The following IKBKG variants were observed in gnomAD, a reference collection of about 807,000 sequenced individuals.
IKBKG encodes inhibitor of nuclear factor kappa B kinase regulatory subunit gamma.
IKBKG carries 2 observed loss-of-function variants against 13.7 expected under a neutral mutation model. The observed-to-expected ratio is 0.15, with a 90% CI of 0.06 to 0.46. IKBKG has a LOEUF of 0.46. Ranked by LOEUF, IKBKG falls within the 20% of genes least tolerant of loss-of-function variation. The pLI, the probability that IKBKG is intolerant of heterozygous loss-of-function variation, is 0.98. For synonymous variants in IKBKG, 22 were observed against 64.4 expected, an observed-to-expected ratio of 0.34 and a Z score of 3.15; for missense variants, 53 against 150.3, an observed-to-expected ratio of 0.35 and a Z score of 3.39.
At chrX:154,549,576 G>A (rs1404307011) in intron 1 of IKBKG, among the ~76,000 whole-genome samples, 1 of 111,452 alleles carries the variant, frequency 9.0e-6, no homozygotes, top group Non-Finnish European at 1.9e-5. Context: ...CACCATGCCT[G>A]GCCACCACTA....
chrX:154,552,914 A>G (rs1317987827), intron 2 of IKBKG, among the ~76,000 whole-genome samples: 1 of 110,650 alleles, frequency 9.0e-6, no homozygotes, highest in Non-Finnish European at 1.9e-5. Context: ...AGCCCCTGCC[A>G]TTCTTCCCCC....
upstream of IKBKG, chrX:154,547,196 G>A (rs1243538911): frequency 2.6e-6 from 1 of 377,634 alleles, no homozygotes; most frequent in Non-Finnish European, 3.4e-6. Context: ...GGCCTCGCGC[G>A]CTCGCGGAGG....
At position 154,558,657 on chromosome X, in the gene IKBKG, CG is replaced by C; in HGVS notation, c.518+12del. 1 of 1,167,534 alleles carries C rather than the reference CG, an allele frequency of 8.6e-7. No individual in the cohort carries two copies. The highest frequency in any genetic ancestry group is 1.2e-6 in the Non-Finnish European group (1 of 861,865). ...GCCAGGCTCTGGAGGGTCGGTGAGT[CG>C]GGGGAGCCGGCTCCGGAGACCCCTT... On this transcript the variant is annotated splice_region_variant and intron_variant, in intron 4 of 9. Transcript: ENST00000594239.
chrX:154,546,588 T>C (rs1358630292), upstream of IKBKG, among the ~76,000 whole-genome samples: 2 of 110,134 alleles, frequency 1.8e-5, no homozygotes, highest in Admixed American at 1.9e-4. Flanking sequence ...CCAAGCTGGG[T>C]GACCCCGGTC....
intron 2 of IKBKG, among the ~76,000 whole-genome samples, chrX:154,555,623 A>G (rs2071040850): frequency 8.9e-6 from 1 of 112,543 alleles, no homozygotes; most frequent in African/African-American, 3.2e-5. Flanking sequence ...TCTGTCCCCC[A>G]GGCTGGAGTG....
intron 1 of IKBKG, among the ~76,000 whole-genome samples, chrX:154,548,824 C>T (rs1569556470): frequency 1.8e-5 from 2 of 111,240 alleles, no homozygotes; most frequent in Middle Eastern, 4.6e-3. Flanking sequence ...CCTCAGACTC[C>T]CAAAGTGCTG....
At chrX:154,548,333 G>A (rs1405573848) in intron 1 of IKBKG, among the ~76,000 whole-genome samples, 1 of 111,463 alleles carries the variant, frequency 9.0e-6, no homozygotes, top group African/African-American at 3.3e-5. Context: ...GAAGGCAACG[G>A]GGATCCATGG....
At chrX:154,546,827 C>G (rs1557233544), upstream of IKBKG, 1 of 1,158,632 alleles carries the variant, frequency 8.6e-7, no homozygotes, top group Non-Finnish European at 1.1e-6. Context: ...CTCGCAGCCC[C>G]GAAGTGTACG....
chrX:154,549,184 T>C (rs60589782), intron 1 of IKBKG, among the ~76,000 whole-genome samples: 2,173 of 109,734 alleles, frequency 0.02, 55 homozygotes, highest in African/African-American at 0.07. Flanking sequence ...GGTTTCATCA[T>C]GTTGGCCAGG....
chrX:154,545,927 G>C, upstream of IKBKG: 1 of 996,342 alleles, frequency 1.0e-6, no homozygotes, highest in Non-Finnish European at 1.4e-6. Flanking sequence ...GCGGGAGGAG[G>C]AGCTCAACTT....
chrX:154,546,665 G>C (rs1372840175), upstream of IKBKG: 4 of 581,340 alleles, frequency 6.9e-6, no homozygotes, highest in Non-Finnish European at 1.1e-5. Context: ...TAAAGGGATT[G>C]GTTAAGACCC....
At chrX:154,548,234 G>A in intron 1 of IKBKG, 2 of 413,691 alleles carry the variant, frequency 4.8e-6, no homozygotes, top group Non-Finnish European at 6.1e-6. Context: ...AGCAGAGTGA[G>A]GGAGGGGAGC....
At chrX:154,547,799 C>T (rs2070792832) in intron 1 of IKBKG, 54 bp downstream of exon 1, 8 of 754,091 alleles carry the variant, frequency 1.1e-5, no homozygotes, top group African/African-American at 2.3e-5. Context: ...TCCGCCGCCT[C>T]CGAAACTTCC....
chrX:154,544,225 G>A (rs928922855), upstream of IKBKG, among the ~76,000 whole-genome samples: 2 of 107,277 alleles, frequency 1.9e-5, no homozygotes, highest in African/African-American at 3.4e-5. Context: ...GCAGTGGCGC[G>A]ATCTCAGCTC....
intron 1 of IKBKG, among the ~76,000 whole-genome samples, chrX:154,549,250 G>A (rs1489240543): frequency 9.1e-6 from 1 of 109,686 alleles, no homozygotes; most frequent in Non-Finnish European, 1.9e-5. Flanking sequence ...CAAAGTGCTG[G>A]GATTACAGGC....
chrX:154,546,740 G>A (rs2070731602), upstream of IKBKG: 1 of 1,020,215 alleles, frequency 9.8e-7, no homozygotes, highest in Non-Finnish European at 1.3e-6. Context: ...GCGGCGCAGC[G>A]CGGGACAGTA....
upstream of IKBKG, chrX:154,546,852 C>A: frequency 8.9e-7 from 1 of 1,126,646 alleles, no homozygotes; most frequent in Non-Finnish European, 1.2e-6. Flanking sequence ...TTTCCGGGGG[C>A]TGAGCCCCGC....
At chrX:154,544,849 C>T (rs950437328), upstream of IKBKG, among the ~76,000 whole-genome samples, 2 of 112,386 alleles carry the variant, frequency 1.8e-5, no homozygotes, top group Non-Finnish European at 3.8e-5. Context: ...TGTGACAGCG[C>T]GTTGTTCTAT....
At chrX:154,544,979 T>C (rs1205437209), upstream of IKBKG, among the ~76,000 whole-genome samples, 1 of 112,147 alleles carries the variant, frequency 8.9e-6, no homozygotes, top group Non-Finnish European at 1.9e-5. Flanking sequence ...AAGATGGTCA[T>C]ACAGTAATGA....
Sources: gnomAD v4.1 joint callset for allele counts (sites outside exome capture counted in the v4.1 genomes callset) on GRCh38, gnomAD v4.1.1 for gene constraint, MANE v1.5 for transcripts, NCBI Gene and HGNC (gene_info 2026-07-23, HGNC 2026-07-21) for gene names.